Variants in PDXDC1 observed in about 807,000 individuals in gnomAD.
PDXDC1 encodes pyridoxal-dependent decarboxylase domain-containing protein 1.
Under a neutral mutation model 100.1 loss-of-function variants are expected in PDXDC1, and 42 were observed. The ratio of observed to expected loss-of-function variants is 0.42; its 90% CI spans 0.33 to 0.54. The LOEUF is 0.54. Ranked by LOEUF, PDXDC1 falls within the 20% of genes least tolerant of loss-of-function variation. The probability of loss-of-function intolerance (pLI) is 0.10; values close to 1 mark genes in which losing one functional copy is unlikely to be tolerated. For missense variants in PDXDC1, 636 were observed against 979.2 expected, an observed-to-expected ratio of 0.65 and a Z score of 4.68; for synonymous variants, 260 against 371.7, an observed-to-expected ratio of 0.70 and a Z score of 3.46.
chr16:15,114,083 AGAG>A (rs1468636877), intron 16 of PDXDC1, among the ~76,000 whole-genome samples: 1 of 145,300 alleles, frequency 6.9e-6, no homozygotes, highest in Non-Finnish European at 1.5e-5. Context: ...GAATCTTCAG[AGAG>A]GAGATTGGAA....
the PDXDC1 span, among the ~76,000 whole-genome samples, chr16:15,148,752 C>G: frequency 2.0e-5 from 3 of 152,136 alleles, no homozygotes; most frequent in East Asian, 3.9e-4. Flanking sequence ...CAAGCCGATA[C>G]TGCATGGATG....
downstream of PDXDC1, among the ~76,000 whole-genome samples, chr16:15,139,801 C>CAAAGAAAGAAAAGA (rs1190956456): frequency 4.6e-5 from 7 of 151,656 alleles, no homozygotes; most frequent in Non-Finnish European, 8.8e-5. Context: ...AAAGAGAAAG[C>CAAAGAAAGAAAAGA]AAGAAAAGAA....
At chr16:15,028,000 T>C (rs1392124688) in intron 14 of PDXDC1, among the ~76,000 whole-genome samples, 18 of 152,282 alleles carry the variant, frequency 1.2e-4, no homozygotes, top group African/African-American at 4.3e-4. Flanking sequence ...CGCTCTTCCC[T>C]TCCCAGCACT....
intron 16 of PDXDC1, chr16:15,055,824 G>T: frequency 1.2e-6 from 1 of 865,772 alleles, no homozygotes; most frequent in South Asian, 5.7e-5. Flanking sequence ...CGCGTGAGGG[G>T]GGCGCTAGCC....
chr16:15,048,768 C>A (rs960421972), intron 16 of PDXDC1, among the ~76,000 whole-genome samples: 1 of 152,142 alleles, frequency 6.6e-6, no homozygotes, highest in Non-Finnish European at 1.5e-5. Flanking sequence ...GGACTACAGG[C>A]TTGCACCACC....
chr16:15,076,474 A>C (rs1163093434), intron 16 of PDXDC1: 2 of 939,484 alleles, frequency 2.1e-6, no homozygotes, highest in Non-Finnish European at 3.5e-6. Context: ...TTTCAATCTA[A>C]AGCCTTAACA....
intron 16 of PDXDC1, among the ~76,000 whole-genome samples, chr16:15,075,056 C>T (rs2151786926): frequency 1.3e-5 from 2 of 152,082 alleles, no homozygotes; most frequent in Admixed American, 1.3e-4. Context: ...TTGAGACCAG[C>T]CTGGCCAACA....
chr16:15,132,444 G>C (rs1441099423), intron 16 of PDXDC1, among the ~76,000 whole-genome samples: 1 of 141,676 alleles, frequency 7.1e-6, no homozygotes, highest in African/African-American at 2.6e-5. Flanking sequence ...GGGAGGGGAG[G>C]GGAGAGTGGA....
chr16:15,071,687 G>C (rs1597907049), intron 16 of PDXDC1, among the ~76,000 whole-genome samples: 1 of 152,176 alleles, frequency 6.6e-6, no homozygotes, highest in Non-Finnish European at 1.5e-5. Context: ...AGAATCGCTT[G>C]AACCCAGGAG....
intron 6 of PDXDC1, among the ~76,000 whole-genome samples, 181 bp from the exon 7 acceptor site, chr16:15,008,595 CTTT>C (rs10717385): frequency 6.9e-6 from 1 of 144,600 alleles, no homozygotes; most frequent in Non-Finnish European, 1.5e-5. Context: ...GAAATTCACC[CTTT>C]TTTTTTTTTC....
chr16:15,038,161 A>G lies in PDXDC1; in HGVS notation c.*1886A>G, dbSNP rs574727086. 3.1e-6 allele frequency: 5 copies of G among 1,613,566 alleles called. No individual in the cohort carries two copies. The highest frequency in any genetic ancestry group is 1.7e-5 in the Admixed American group (1 of 59,976). On this transcript the variant is annotated 3_prime_UTR_variant, in exon 23 of 23. Transcript: ENST00000396410. The stretch of plus-strand genomic sequence containing the variant: ...TTTTAAAAACATCAAGGTAGATCTA[A>G]TATGTTCAACAAAGTGGGGTGGCTC...
At chr16:15,040,520 C>T (rs1420630463), downstream of PDXDC1, 1 of 174,854 alleles carries the variant, frequency 5.7e-6, no homozygotes, top group African/African-American at 2.4e-5. Flanking sequence ...AGTATCACCG[C>T]TACAGCAGAA....
intron 16 of PDXDC1, among the ~76,000 whole-genome samples, chr16:15,059,395 G>A (rs1427298025): frequency 6.6e-6 from 1 of 152,194 alleles, no homozygotes; most frequent in Non-Finnish European, 1.5e-5. Flanking sequence ...AACTTCCCAT[G>A]GAAGTGCTTC....
chr16:15,019,058 G>C (rs2041990939), intron 12 of PDXDC1, 93 bp downstream of exon 12: 1 of 1,578,668 alleles, frequency 6.3e-7, no homozygotes, highest in East Asian at 2.3e-5. Flanking sequence ...CCAGAGTGGT[G>C]TTGTCTGGAT....
At chr16:15,055,939 C>T in intron 16 of PDXDC1, 1 of 1,232,008 alleles carries the variant, frequency 8.1e-7, no homozygotes, top group Admixed American at 4.2e-5. Flanking sequence ...ACTGCGGCAG[C>T]CGCACTCGCC....
At chr16:15,124,121 C>A (rs1382653061) in intron 16 of PDXDC1, among the ~76,000 whole-genome samples, 1 of 152,192 alleles carries the variant, frequency 6.6e-6, no homozygotes, top group East Asian at 1.9e-4. Context: ...ATCAGCTTCT[C>A]TCCTAAGGTG....
rs770538821 is a variant in PDXDC1, at chr16:15,126,967, G to C, written c.1400-11912G>C. On this transcript the variant is annotated intron_variant, in intron 16 of 16. Transcript: ENST00000535621. ...GCCACCGTGCCTGGTCCTTTTTAAT[G>C]TTTTATATAGATGTGGTCTTGCTAT... 83 of 308,962 alleles carry C rather than the reference G, an allele frequency of 2.7e-4. 1 individual carries two copies. The highest frequency in any genetic ancestry group is 4.9e-4 in the Non-Finnish European group (78 of 159,644). 19.1% of individuals were successfully genotyped at this position (308,962 alleles called of 1,614,324 possible).
intron 16 of PDXDC1, chr16:15,085,521 T>A: frequency 7.1e-7 from 1 of 1,413,630 alleles, no homozygotes; most frequent in Non-Finnish European, 9.7e-7. Flanking sequence ...TCTCACTATG[T>A]TGCCCAGGCT....
intron 1 of PDXDC1, among the ~76,000 whole-genome samples, chr16:14,990,942 T>C (rs1324889846): frequency 6.6e-6 from 1 of 152,290 alleles, no homozygotes; most frequent in Non-Finnish European, 1.5e-5. Context: ...GATTTTGCCG[T>C]GTTAGCCAAG....
Sources: allele counts gnomAD v4.1 joint callset (sites outside exome capture counted in the v4.1 genomes callset), GRCh38; gene constraint gnomAD v4.1.1; transcripts MANE v1.5; gene names NCBI Gene and HGNC (gene_info 2026-07-23, HGNC 2026-07-21).